The following SIPA1L3 variants were observed in gnomAD, a reference collection of about 807,000 sequenced individuals.
SIPA1L3 encodes signal-induced proliferation-associated 1-like protein 3.
A neutral mutation model predicts 150.1 loss-of-function variants in SIPA1L3; 59 were observed. The observed-to-expected ratio is 0.39, with a 90% CI of 0.32 to 0.49. The LOEUF (loss-of-function observed/expected upper bound fraction) is 0.49, where lower values mean the gene tolerates loss of function less well. Ranked by LOEUF, SIPA1L3 falls within the 20% of genes least tolerant of loss-of-function variation. The probability of loss-of-function intolerance (pLI) is 0.86; values close to 1 mark genes in which losing one functional copy is unlikely to be tolerated. For synonymous variants in SIPA1L3, 1,070 were observed against 1,077.6 expected (o/e 0.99, Z 0.14); for missense variants, 2,211 against 2,489.5 (o/e 0.89, Z 2.38).
At chr19:37,967,465 G>T (rs974115379) in intron 1 of SIPA1L3, among the ~76,000 whole-genome samples, 23 of 152,046 alleles carry the variant, frequency 1.5e-4, no homozygotes, top group Admixed American at 9.8e-4. Flanking sequence ...TGTTGGCCAG[G>T]CTGATCTTGA....
intron 2 of SIPA1L3, among the ~76,000 whole-genome samples, chr19:38,040,804 A>T (rs1421074805): frequency 6.6e-6 from 1 of 152,224 alleles, no homozygotes; most frequent in Non-Finnish European, 1.5e-5. Context: ...TCAGTCGCCC[A>T]GGCTGGAGTG....
At chr19:38,072,412 G>C (rs1389907174) in intron 2 of SIPA1L3, among the ~76,000 whole-genome samples, 1 of 152,182 alleles carries the variant, frequency 6.6e-6, no homozygotes, top group East Asian at 1.9e-4. Flanking sequence ...AATGTCCAGT[G>C]GTGGGAAATG....
chr19:38,193,752 C>A lies in SIPA1L3; in HGVS notation c.4812C>A (p.Ala1604=). ...CCGTCGGCCCCGGTGCCACCCCTGC[C>A]GCCGGCAGCGGCTTTCCCGAGAAGA... ...HPPVGPGATP[A]AGSGFPEKKS... Residue 1604 remains alanine, a synonymous_variant, in exon 18 of 22, where the codon GCC becomes GCA. Transcript: ENST00000222345. The A allele has an allele frequency of 6.4e-7, 1 of 1,572,962 alleles. No homozygotes were observed. Among genetic ancestry groups the A allele is most frequent in the Non-Finnish European group, 8.6e-7 (1 of 1,168,588 alleles).
chr19:38,192,859 A>G (rs776083087), intron 17 of SIPA1L3, among the ~76,000 whole-genome samples: 17 of 152,156 alleles, frequency 1.1e-4, no homozygotes, highest in Non-Finnish European at 2.4e-4. Context: ...ACCAGCCTAC[A>G]GCTGGGGGAA....
At chr19:38,069,846 T>A (rs1568531502) in intron 2 of SIPA1L3, among the ~76,000 whole-genome samples, 1 of 151,056 alleles carries the variant, frequency 6.6e-6, no homozygotes, top group African/African-American at 2.4e-5. Context: ...TTTTTTTTTT[T>A]TGTATTTTTA....
In SIPA1L3 at chr19:38,100,040, T is replaced by C. The variant is rs1970465273; in HGVS notation, c.1744T>C (p.Leu582=). Residue 582 remains leucine (L), a synonymous_variant, in exon 5 of 22, where the codon TTG becomes CTG. Coordinates refer to ENST00000222345, the MANE Select transcript of SIPA1L3 (RefSeq NM_015073.3). ...GCATGGGACCGGGCGGGGCCTGCCC[T>C]TGAAGGATGCCCTGGAGTATGTCAT... The part of the protein sequence containing the change: ...TKHGTGRGLP[L]KDALEYVIPE... The C allele has an allele frequency of 6.2e-7, 1 of 1,612,412 alleles. No individual in the cohort carries two copies. Among genetic ancestry groups the C allele is most frequent in the Admixed American group, 1.7e-5 (1 of 59,670 alleles).
chr19:37,913,544 C>T (rs531666962), intron 1 of SIPA1L3, among the ~76,000 whole-genome samples: 238 of 152,126 alleles, frequency 1.6e-3, no homozygotes, highest in African/African-American at 5.6e-3. Context: ...TACAGGCATG[C>T]GCCACTATGC....
At chr19:38,186,250 G>A (rs1972675294) in intron 16 of SIPA1L3, 1 of 152,086 alleles carries the variant, frequency 6.6e-6, no homozygotes, top group South Asian at 2.1e-4. Flanking sequence ...AATATCAGCA[G>A]GAGACACAAA....
In SIPA1L3 at chr19:38,089,140, C is replaced by T. The variant is rs557189991; in HGVS notation, c.1665+289C>T. Among the ~76,000 whole-genome samples, 6 of 151,826 alleles carry T rather than the reference C, an allele frequency of 4.0e-5. No homozygotes were observed. In the South Asian group the frequency reaches 1.0e-3, roughly 26 times the overall value. ...TTCAAGACCAGCCTGACCAACATGG[C>T]GAAACCCCATCTCTACCAAAAATAC... On this transcript the variant is annotated intron_variant, in intron 4 of 21. Transcript: ENST00000222345.
chr19:37,938,903 G>A (rs11672673), intron 1 of SIPA1L3, among the ~76,000 whole-genome samples: 2 of 152,156 alleles, frequency 1.3e-5, no homozygotes, highest in African/African-American at 4.8e-5. Flanking sequence ...GATTACAGGC[G>A]TGAGCCACAG....
chr19:38,165,999 G>A (rs1437068507), intron 15 of SIPA1L3, among the ~76,000 whole-genome samples: 2 of 151,876 alleles, frequency 1.3e-5, no homozygotes, highest in Non-Finnish European at 1.5e-5. Context: ...CTGACCTAAA[G>A]GGATCCTCCC....
chr19:38,090,762 G>T (rs1970240011), intron 4 of SIPA1L3, among the ~76,000 whole-genome samples: 1 of 152,196 alleles, frequency 6.6e-6, no homozygotes, highest in Non-Finnish European at 1.5e-5. Context: ...ACTTGACTGT[G>T]GGGCCAGCCA....
chr19:38,082,807 C>T lies in SIPA1L3; in HGVS notation c.1242C>T (p.Asp414=). 1.2e-6 allele frequency: 2 copies of T among 1,613,632 alleles called. No homozygotes were observed. Among genetic ancestry groups the T allele is most frequent in the Non-Finnish European group, 1.7e-6 (2 of 1,179,918 alleles). ...ACTGCAAGGAGAACTTGGAGCAGGACCTCGGCGATGACAACAGCAACGACC... is the reference window on the plus strand; with the variant it reads ...ACTGCAAGGAGAACTTGGAGCAGGATCTCGGCGATGACAACAGCAACGACC... ...DLNCKENLEQ[D]LGDDNSNDLL... Residue 414 remains aspartate (D), a synonymous_variant, in exon 3 of 22, where the codon GAC becomes GAT. Coordinates refer to ENST00000222345, the MANE Select transcript of SIPA1L3 (RefSeq NM_015073.3).
chr19:38,082,645 G>C lies in SIPA1L3; in HGVS notation c.1080G>C (p.Val360=). 2 of 1,606,466 alleles carry C rather than the reference G, an allele frequency of 1.2e-6. No individual in the cohort carries two copies. The highest frequency in any genetic ancestry group is 2.2e-5 in the South Asian group (2 of 91,082). ...FDLNEAAANR[V]SVSQRRNTTT... is the part of the protein sequence containing the mutation. ...TCAACGAGGCGGCCGCCAACAGGGT[G>C]TCGGTGTCGCAGCGGCGGAACACCA... The change falls in exon 3 of 22, where the codon GTG becomes GTC. Residue 360 remains valine (V), a synonymous_variant. Coordinates refer to ENST00000222345, the MANE Select transcript of SIPA1L3 (RefSeq NM_015073.3).
rs1969074356 is a variant in SIPA1L3 at position 38,046,980 on chromosome 19, G to A, written c.-311+17824G>A. The stretch of plus-strand genomic sequence containing the variant: ...TCTTCCAGAGACCCTTAAGTGGATG[G>A]GCTCCCCAGCCAGGCGTGGTCCCCA... On this transcript the variant is annotated intron_variant, in intron 2 of 21. Transcript: ENST00000222345. The surrounding 1 kb of genome is among the most constrained non-coding windows in gnomAD (Gnocchi z 5.6). 6.6e-6 allele frequency among the ~76,000 whole-genome samples: 1 copy of A among 152,196 alleles called. No individual in the cohort carries two copies. The highest frequency in any genetic ancestry group is 1.5e-5 in the Non-Finnish European group (1 of 68,028).
chr19:38,204,078 C>T lies in SIPA1L3; in HGVS notation c.5121-49C>T, dbSNP rs2304173. 1.2e-5 allele frequency: 17 copies of T among 1,478,078 alleles called. No individual in the cohort carries two copies. In the East Asian group the frequency reaches 4.2e-4, roughly 36 times the overall value. 91.6% of individuals were successfully genotyped at this position (1,478,078 alleles called of 1,614,324 possible). A position where few individuals can be genotyped will look rare whatever the true frequency, so the allele number is the denominator to read the frequency against. ...TCCTCAGATGTGGGCCAGAAGCCTT[C>T]CCCAGGGGCTTTAGGGCCTCAGGCT... On this transcript the variant is annotated intron_variant, in intron 20 of 21. Coordinates refer to ENST00000222345, the MANE Select transcript of SIPA1L3 (RefSeq NM_015073.3).
In SIPA1L3 at chr19:37,971,635, G is replaced by C. The variant is rs113652637; in HGVS notation, c.-378-57454G>C. Among the ~76,000 whole-genome samples the C allele has an allele frequency of 5.5e-3, 830 of 151,860 alleles. 10 individuals carry two copies. The highest frequency in any genetic ancestry group is 0.019 in the African/African-American group (784 of 41,398). On this transcript the variant is annotated intron_variant, in intron 1 of 21. Coordinates refer to ENST00000222345, the MANE Select transcript of SIPA1L3 (RefSeq NM_015073.3). Reference sequence around the variant, plus strand: ...GGCTGGAGTACAGTGGCGCGATCTCGGCTCACTGCTACTTCGCTTCCCAGG... The same window carrying C: ...GGCTGGAGTACAGTGGCGCGATCTCCGCTCACTGCTACTTCGCTTCCCAGG...
At chr19:38,133,491 G>A (rs1971362408) in intron 10 of SIPA1L3, among the ~76,000 whole-genome samples, 1 of 152,194 alleles carries the variant, frequency 6.6e-6, no homozygotes. Flanking sequence ...GCAACCTCCA[G>A]AAGTGACCAA....
At chr19:38,084,535 A>G (rs1160519253) in intron 3 of SIPA1L3, among the ~76,000 whole-genome samples, 2 of 140,268 alleles carry the variant, frequency 1.4e-5, no homozygotes, top group East Asian at 4.1e-4. Flanking sequence ...TTCCAAGAAT[A>G]GAGGGCTTTT....
Sources: allele counts gnomAD v4.1 joint callset (sites outside exome capture counted in the v4.1 genomes callset), GRCh38; gene constraint gnomAD v4.1.1; non-coding constraint Gnocchi (gnomAD v3.1); transcripts MANE v1.5; gene names NCBI Gene and HGNC (gene_info 2026-07-23, HGNC 2026-07-21).